Variants in MTMR3 observed in about 807,000 individuals in gnomAD.
The protein encoded by MTMR3 is myotubularin related protein 3.
A neutral mutation model predicts 132.4 loss-of-function variants in MTMR3; 32 were observed. That is an observed-to-expected ratio of 0.24 (90% confidence interval 0.18 to 0.32). The LOEUF (loss-of-function observed/expected upper bound fraction) is 0.32. MTMR3 is among the 10% of genes least tolerant of loss of function. The probability of loss-of-function intolerance (pLI) is 1.00; values close to 1 mark genes in which losing one functional copy is unlikely to be tolerated. For synonymous variants in MTMR3, 556 were observed against 550.3 expected (o/e 1.01, Z -0.14); for missense variants, 1,216 against 1,489.6 (o/e 0.82, Z 3.02).
intron 1 of MTMR3, among the ~76,000 whole-genome samples, chr22:29,946,212 G>C (rs542931362): frequency 3.3e-5 from 5 of 152,270 alleles, no homozygotes; most frequent in South Asian, 4.1e-4. Context: ...ATGGTTTCTA[G>C]ACTGGAATAC....
In MTMR3 at chr22:30,025,646, T is replaced by A; in HGVS notation, c.3442T>A (p.Phe1148Ile). Residue 1148 changes from phenylalanine to isoleucine, a missense_variant, in exon 20 of 20, where the codon TTC becomes ATC. Physicochemically the swap from Phe to Ile is conservative, Grantham distance 21. Around this residue, in one of 7 missense-constraint regions of MTMR3, gnomAD observed 852 missense variants for 852.0 expected, o/e 1.00. Transcript: ENST00000401950. Reference protein sequence around the residue: ...KHHCRNCGNVFCSSCCNQKVP... With the variant: ...KHHCRNCGNVICSSCCNQKVP... ...CATCTCAAGGAATTGTGGGAACGTA[T>A]TCTGCTCCAGTTGTTGTAACCAGAA... The A allele has an allele frequency of 1.2e-6, 2 of 1,614,222 alleles. No homozygotes were observed. Among genetic ancestry groups the A allele is most frequent in the Non-Finnish European group, 1.7e-6 (2 of 1,180,032 alleles).
intron 2 of MTMR3, among the ~76,000 whole-genome samples, chr22:29,957,315 G>A (rs537561410): frequency 1.4e-5 from 2 of 142,926 alleles, no homozygotes; most frequent in South Asian, 2.2e-4. Context: ...ATATATAATT[G>A]CACTGTAATA....
intron 1 of MTMR3, among the ~76,000 whole-genome samples, chr22:29,894,472 G>C (rs1378466336): frequency 1.3e-5 from 2 of 151,388 alleles, no homozygotes; most frequent in Non-Finnish European, 2.9e-5. Context: ...TGTAAACACA[G>C]AACTCAGCCC....
At chr22:29,913,094 A>T (rs963071246) in intron 1 of MTMR3, among the ~76,000 whole-genome samples, 9 of 151,972 alleles carry the variant, frequency 5.9e-5, no homozygotes, top group Non-Finnish European at 7.4e-5. Context: ...TAATAATAAT[A>T]ATTATTATCC....
At chr22:30,012,218 C>T (rs1017028236) in intron 12 of MTMR3, 150 bp from the exon 13 acceptor site, 1 of 766,198 alleles carries the variant, frequency 1.3e-6, no homozygotes, top group Non-Finnish European at 2.1e-6. Flanking sequence ...CTGAGACATG[C>T]TTTATAAACA....
In MTMR3 at chr22:30,017,935, C is replaced by T. The variant is rs147893160; in HGVS notation, c.1683C>T (p.Tyr561=). The part of the protein sequence containing the change: ...LYSSQSEAVL[Y]PVCHVRNLML... ...TCCTCCCCCCTCCTCAGGTGCTGTA[C>T]CCTGTGTGCCATGTGCGTAACCTGA... The change falls in exon 16 of 20, where the codon TAC becomes TAT. Residue 561 remains tyrosine (Y), a synonymous_variant. Transcript: ENST00000401950. The T allele has an allele frequency of 6.2e-7, 1 of 1,613,530 alleles. No homozygotes were observed. The highest frequency in any genetic ancestry group is 8.5e-7 in the Non-Finnish European group (1 of 1,179,794).
intron 2 of MTMR3, 41 bp from the exon 3 acceptor site, chr22:29,970,935 C>CTT (rs34749290): frequency 0.012 from 5,148 of 441,650 alleles, 6 homozygotes; most frequent in East Asian, 0.034. Context: ...CTCCCCTCCT[C>CTT]TTTTTTTTTT....
chr22:29,944,644 T>C (rs577994769), intron 1 of MTMR3, among the ~76,000 whole-genome samples: 157 of 152,344 alleles, frequency 1.0e-3, no homozygotes, highest in African/African-American at 3.5e-3. Context: ...TTTTCTTATT[T>C]CTGTTACATT....
rs1601453053 is a variant in MTMR3, at chr22:30,028,564, G to C, written c.*2763G>C. 1 of 152,484 alleles carries C rather than the reference G, an allele frequency of 6.6e-6. No individual in the cohort carries two copies. Among genetic ancestry groups the C allele is most frequent in the South Asian group, 2.1e-4 (1 of 4,830 alleles). The allele number at this position is 152,484 out of a possible 1,614,324, so 9.4% of individuals were successfully genotyped here. A position where few individuals can be genotyped will look rare whatever the true frequency, so the allele number is the denominator to read the frequency against. On this transcript the variant is annotated 3_prime_UTR_variant, in exon 20 of 20. Coordinates refer to ENST00000401950, the MANE Select transcript of MTMR3 (RefSeq NM_021090.4). ...GTCTGTGGGTGAGATATGTTATGCT[G>C]TTCCTCCCTCGGGAAGGTTGGTATT...
chr22:29,991,763 T>C, intron 7 of MTMR3, 93 bp downstream of exon 7: 1 of 1,307,716 alleles, frequency 7.6e-7, no homozygotes, highest in Non-Finnish European at 1.0e-6. Flanking sequence ...TAAGCATTCA[T>C]ATATCAATCA....
chr22:29,957,677 T>G (rs2066226939), intron 2 of MTMR3, among the ~76,000 whole-genome samples: 1 of 152,106 alleles, frequency 6.6e-6, no homozygotes, highest in Non-Finnish European at 1.5e-5. Flanking sequence ...GATATAGTTC[T>G]TTTAAATTCA....
Position 30,019,805 on chromosome 22 carries a change from G to A in MTMR3, c.2146G>A (p.Glu716Lys). 6.2e-7 allele frequency: 1 copy of A among 1,614,216 alleles called. No individual in the cohort carries two copies. Among genetic ancestry groups the A allele is most frequent in the Non-Finnish European group, 8.5e-7 (1 of 1,180,040 alleles). Residue 716 changes from glutamate (E) to lysine (K), a missense_variant, in exon 17 of 20, where the codon GAG becomes AAG. Physicochemically the swap from Glu to Lys is moderately conservative, Grantham distance 56. Coordinates refer to ENST00000401950, the MANE Select transcript of MTMR3 (RefSeq NM_021090.4). The stretch of plus-strand genomic sequence containing the variant: ...CCACAGGGCAGGCATTGAGATACAG[G>A]AGGGTAAAGAGGACCCTCTCTTAGA... ...PAHRAGIEIQEGKEDPLLEKE... is the reference protein window; with the variant it reads ...PAHRAGIEIQKGKEDPLLEKE...
intron 18 of MTMR3, 74 bp from the exon 19 acceptor site, chr22:30,022,535 C>A: frequency 5.4e-6 from 7 of 1,306,846 alleles, no homozygotes; most frequent in Middle Eastern, 4.3e-4. Flanking sequence ...CTCTTGCTGC[C>A]CCCAGCATGG....
chr22:29,918,560 G>T (rs1005558726), intron 1 of MTMR3, among the ~76,000 whole-genome samples: 15 of 152,174 alleles, frequency 9.9e-5, no homozygotes, highest in African/African-American at 3.6e-4. Flanking sequence ...TTAGGTTATA[G>T]GCTCTGTAGA....
At chr22:29,976,335 A>G (rs952127584) in intron 3 of MTMR3, among the ~76,000 whole-genome samples, 3 of 152,204 alleles carry the variant, frequency 2.0e-5, no homozygotes, top group African/African-American at 4.8e-5. Context: ...AGACCTGCCA[A>G]ATGTCCAAGT....
At chr22:29,937,091 G>A (rs1602512341) in intron 1 of MTMR3, among the ~76,000 whole-genome samples, 1 of 151,802 alleles carries the variant, frequency 6.6e-6, no homozygotes, top group African/African-American at 2.4e-5. Flanking sequence ...TTAAGCTTTT[G>A]TTATTATATA....
intron 2 of MTMR3, among the ~76,000 whole-genome samples, chr22:29,967,720 A>T (rs2066456170): frequency 6.7e-6 from 1 of 149,728 alleles, no homozygotes; most frequent in Non-Finnish European, 1.5e-5. Context: ...TCTTCCCTCA[A>T]CCTGGCTCCT....
At chr22:29,894,753 C>G (rs767589265) in intron 1 of MTMR3, among the ~76,000 whole-genome samples, 12 of 152,150 alleles carry the variant, frequency 7.9e-5, no homozygotes, top group African/African-American at 1.2e-4. Context: ...AGCTGTGTCA[C>G]ATATCCTCTA....
chr22:29,926,263 A>G (rs2065515686), intron 1 of MTMR3, among the ~76,000 whole-genome samples: 3 of 152,186 alleles, frequency 2.0e-5, no homozygotes, highest in Admixed American at 2.0e-4. Flanking sequence ...CATTGTGTGT[A>G]TGGATATACC....
Sources: gnomAD v4.1 joint callset for allele counts (sites outside exome capture counted in the v4.1 genomes callset) on GRCh38, gnomAD v4.1.1 for gene constraint, gnomAD v4.1.1 regional missense constraint, MANE v1.5 for transcripts, NCBI Gene and HGNC (gene_info 2026-07-23, HGNC 2026-07-21) for gene names.